The following LAMA2 variants were observed in gnomAD, a reference collection of about 807,000 sequenced individuals.
LAMA2 encodes the protein laminin subunit alpha 2.
LAMA2 carries 269 observed loss-of-function variants against 364.8 expected under a neutral mutation model. The observed-to-expected ratio is 0.74, with a 90% CI of 0.67 to 0.82. LAMA2 has a LOEUF of 0.82. Ranked by LOEUF, LAMA2 falls within the 40% of genes least tolerant of loss-of-function variation. The pLI is 0.00. For synonymous variants in LAMA2, 1,379 were observed against 1,370.6 expected (o/e 1.01, Z -0.14); for missense variants, 3,807 against 3,873.2 (o/e 0.98, Z 0.45).
At chr6:129,156,333 T>C (rs1430375803) in intron 8 of LAMA2, among the ~76,000 whole-genome samples, 2 of 151,982 alleles carry the variant, frequency 1.3e-5, no homozygotes, top group Non-Finnish European at 2.9e-5. Context: ...TATCTCTCCA[T>C]TTATTTCTAT....
rs896924502 is a variant in LAMA2 at position 129,214,658 on chromosome 6, T to G, written c.1782+21805T>G. 2.6e-5 allele frequency among the ~76,000 whole-genome samples: 4 copies of G among 152,218 alleles called. No homozygotes were observed. In the East Asian group the frequency reaches 7.7e-4, roughly 29 times the overall value. Reference sequence around the variant, plus strand: ...ATCTAAGTGACTTTTTTCTGACCAGTACTATATTGTCTTGATAACTATAGT... The same window carrying G: ...ATCTAAGTGACTTTTTTCTGACCAGGACTATATTGTCTTGATAACTATAGT... On this transcript the variant is annotated intron_variant, in intron 12 of 64. Transcript: ENST00000421865.
chr6:128,912,110 T>C (rs1340727557), intron 1 of LAMA2, among the ~76,000 whole-genome samples: 1 of 152,220 alleles, frequency 6.6e-6, no homozygotes, highest in Admixed American at 6.5e-5. Context: ...ACAAGTCATG[T>C]ACAAGCTTTT....
chr6:129,326,742 T>A (rs926123365), intron 28 of LAMA2, among the ~76,000 whole-genome samples: 2 of 144,746 alleles, frequency 1.4e-5, no homozygotes, highest in South Asian at 2.1e-4. Flanking sequence ...ATTTTATATA[T>A]TATATATATA....
intron 1 of LAMA2, among the ~76,000 whole-genome samples, chr6:128,932,463 A>C (rs1392892424): frequency 6.6e-6 from 1 of 152,224 alleles, no homozygotes; most frequent in Non-Finnish European, 1.5e-5. Context: ...TTTATGCTCA[A>C]GACAAGACTT....
intron 4 of LAMA2, among the ~76,000 whole-genome samples, chr6:129,139,791 C>A (rs2114951891): frequency 6.6e-6 from 1 of 152,208 alleles, no homozygotes. Flanking sequence ...ATCTGTACAT[C>A]CTTAATCTCA....
intron 17 of LAMA2, among the ~76,000 whole-genome samples, chr6:129,277,032 AT>A (rs1788380284): frequency 6.6e-6 from 1 of 152,098 alleles, no homozygotes; most frequent in African/African-American, 2.4e-5. Flanking sequence ...AAGAGGGATT[AT>A]TTTCATGTCC....
chr6:129,066,988 C>G (rs1425682414), intron 3 of LAMA2, among the ~76,000 whole-genome samples: 1 of 152,184 alleles, frequency 6.6e-6, no homozygotes, highest in East Asian at 1.9e-4. Flanking sequence ...GGGAAAAGTT[C>G]CATGACATTG....
chr6:129,412,354 C>T (rs1218654127), intron 40 of LAMA2, among the ~76,000 whole-genome samples: 1 of 152,156 alleles, frequency 6.6e-6, no homozygotes, highest in African/African-American at 2.4e-5. Context: ...AGTCTACTGA[C>T]TGAAACGTTA....
intron 10 of LAMA2, among the ~76,000 whole-genome samples, chr6:129,187,646 G>A (rs1781306478): frequency 6.6e-6 from 1 of 151,836 alleles, no homozygotes; most frequent in Non-Finnish European, 1.5e-5. Context: ...AATACAGGCT[G>A]AGTATCCCTT....
Position 129,199,952 on chromosome 6 carries a change from G to A in LAMA2, c.1782+7099G>A, listed in dbSNP as rs191794761. 3.1e-3 allele frequency among the ~76,000 whole-genome samples: 470 copies of A among 151,778 alleles called. 1 individual carries two copies. The highest frequency in any genetic ancestry group is 0.011 in the African/African-American group (454 of 41,440). ...AAATTAGCCAGGTGTGGTGACAAAC[G>A]CCTGCAATCCCAGCTACTCGGGAGG... On this transcript the variant is annotated intron_variant, in intron 12 of 64. Transcript: ENST00000421865.
chr6:129,106,225 A>T (rs1775814463), intron 4 of LAMA2, among the ~76,000 whole-genome samples: 1 of 151,770 alleles, frequency 6.6e-6, no homozygotes, highest in African/African-American at 2.4e-5. Context: ...AGAATTTTAT[A>T]TATACAGACA....
intron 12 of LAMA2, among the ~76,000 whole-genome samples, chr6:129,224,127 C>T (rs1328678530): frequency 6.6e-6 from 1 of 152,138 alleles, no homozygotes; most frequent in Non-Finnish European, 1.5e-5. Flanking sequence ...GGAGTTCACT[C>T]ATGATTTGGC....
At chr6:129,509,456 A>G (rs1786385789) in intron 62 of LAMA2, among the ~76,000 whole-genome samples, 1 of 152,132 alleles carries the variant, frequency 6.6e-6, no homozygotes, top group Non-Finnish European at 1.5e-5. Flanking sequence ...AATTTCCCCA[A>G]TGTTTTATTG....
In LAMA2 at chr6:129,250,220, T is replaced by C. The variant is rs1383904266; in HGVS notation, c.1884+7T>C. Reference sequence around the variant, plus strand: ...GCTTATGATTATCTTAGAGGTAGAGTACTGAGAGCATGTTCACCCGTGTTA... The same window carrying C: ...GCTTATGATTATCTTAGAGGTAGAGCACTGAGAGCATGTTCACCCGTGTTA... On this transcript the variant is annotated splice_region_variant and intron_variant, in intron 13 of 64. Coordinates refer to ENST00000421865, the MANE Select transcript of LAMA2 (RefSeq NM_000426.4). 2 of 1,487,954 alleles carry C rather than the reference T, an allele frequency of 1.3e-6. No individual in the cohort carries two copies. The highest frequency in any genetic ancestry group is 3.3e-5 in the Admixed American group (2 of 59,878). The allele number at this position is 1,487,954 out of a possible 1,614,324, so 92.2% of individuals were successfully genotyped here.
At chr6:129,366,528 CTATAA>C (rs1233658389) in intron 33 of LAMA2, among the ~76,000 whole-genome samples, 167 bp downstream of exon 33, 1 of 152,106 alleles carries the variant, frequency 6.6e-6, no homozygotes, top group African/African-American at 2.4e-5. Flanking sequence ...AACTCAAGAA[CTATAA>C]TATACAGATT....
chr6:129,298,331 T>G (rs1005819175), intron 21 of LAMA2, among the ~76,000 whole-genome samples: 2 of 152,138 alleles, frequency 1.3e-5, no homozygotes, highest in African/African-American at 4.8e-5. Flanking sequence ...CATCTACTTT[T>G]GGCTGCCTTG....
rs574336219 is a variant in LAMA2 at position 128,920,261 on chromosome 6, G to A, written c.112+36904G>A. ...CAACCTCCACCTCCCGGGTTCAAGC[G>A]ATTCTCCTTCCTCAGCCTCTAGAGT... On this transcript the variant is annotated intron_variant, in intron 1 of 64. Coordinates refer to ENST00000421865, the MANE Select transcript of LAMA2 (RefSeq NM_000426.4). Among the ~76,000 whole-genome samples the A allele has an allele frequency of 3.3e-5, 5 of 151,830 alleles. No individual in the cohort carries two copies. In the East Asian group the frequency reaches 5.8e-4, roughly 18 times the overall value.
At chr6:129,362,678 T>A (rs932755391) in intron 32 of LAMA2, among the ~76,000 whole-genome samples, 2 of 152,160 alleles carry the variant, frequency 1.3e-5, no homozygotes, top group East Asian at 1.9e-4. Context: ...ATAAATAAAT[T>A]AAGTAATAAT....
At chr6:128,978,151 T>C (rs1275059552) in intron 1 of LAMA2, among the ~76,000 whole-genome samples, 1 of 152,178 alleles carries the variant, frequency 6.6e-6, no homozygotes, top group Non-Finnish European at 1.5e-5. Context: ...GTTAACCAAA[T>C]GCTTTTGAGA....
Sources: gnomAD v4.1 joint callset for allele counts (sites outside exome capture counted in the v4.1 genomes callset) on GRCh38, gnomAD v4.1.1 for gene constraint, MANE v1.5 for transcripts, NCBI Gene and HGNC (gene_info 2026-07-23, HGNC 2026-07-21) for gene names.